Variants in SEC16B observed in about 807,000 individuals in gnomAD.
SEC16B encodes SEC16 homolog B, endoplasmic reticulum export factor, also known as protein transport protein Sec16B.
In SEC16B, 115 loss-of-function variants were observed where a neutral mutation model predicts 141.8. The ratio of observed to expected loss-of-function variants is 0.81; its 90% CI spans 0.70 to 0.95. The LOEUF (loss-of-function observed/expected upper bound fraction) is 0.95. SEC16B is among the 40% of genes least tolerant of loss of function. SEC16B has a pLI of 0.00. For missense variants in SEC16B, 1,291 were observed against 1,312.3 expected (o/e 0.98, Z 0.25); for synonymous variants, 493 against 492.5 (o/e 1.00, Z -0.01).
intron 11 of SEC16B, among the ~76,000 whole-genome samples, chr1:177,953,003 A>AT (rs59988344): frequency 0.15 from 18,564 of 127,904 alleles, 1,525 homozygotes; most frequent in Middle Eastern, 0.17. Context: ...TGGAAGTGTC[A>AT]TTTTTTTTTT....
chr1:177,958,713 T>G lies in SEC16B; in HGVS notation c.1134+127A>C, dbSNP rs72706613. ...TCGCATTGACATTTGAGCAATTTTT[T>G]CCCTTGGGGCAATTTGTGGCTTCTT... is the stretch of plus-strand genomic sequence containing the variant. On this transcript the variant is annotated intron_variant, in intron 9 of 25. Transcript: ENST00000308284. 2.6e-3 allele frequency: 3,246 copies of G among 1,225,550 alleles called. 14 individuals carry two copies. The highest frequency in any genetic ancestry group is 4.9e-3 in the Middle Eastern group (17 of 3,492). 75.9% of individuals were successfully genotyped at this position (1,225,550 alleles called of 1,614,324 possible).
rs755618521 is a variant in SEC16B, at chr1:177,929,786, G to A, written c.*72C>T. ...GAGGGTCCCAATATGGTAGAGAGGG[G>A]CTGGGAGATTGAGAAAAAGAGAGCA... On this transcript the variant is annotated 3_prime_UTR_variant, in exon 26 of 26. Coordinates refer to ENST00000308284, the MANE Select transcript of SEC16B (RefSeq NM_033127.4). 1 of 1,527,000 alleles carries A rather than the reference G, an allele frequency of 6.5e-7. No individual in the cohort carries two copies. The highest frequency in any genetic ancestry group is 1.2e-5 in the South Asian group (1 of 85,636). 94.6% of individuals were successfully genotyped at this position (1,527,000 alleles called of 1,614,324 possible).
upstream of SEC16B, among the ~76,000 whole-genome samples, chr1:177,973,469 G>C (rs1451335925): frequency 6.6e-6 from 1 of 152,018 alleles, no homozygotes; most frequent in Non-Finnish European, 1.5e-5. Flanking sequence ...ATTTTAAAAG[G>C]CAAAATTAAC....
chr1:177,933,549 C>T lies in SEC16B; in HGVS notation c.2659G>A (p.Asp887Asn). Reference sequence around the variant, plus strand: ...GCAGTATTTCGGGGAGAGTTTTTATCAGCCTCATCAGAGGACTCCTTCTCA... The same window carrying T: ...GCAGTATTTCGGGGAGAGTTTTTATTAGCCTCATCAGAGGACTCCTTCTCA... ...EDEKESSDEA[D>N]KNSPRNTAQR... Residue 887 changes from aspartate (D) to asparagine (N), a missense_variant, in exon 21 of 26, where the codon GAT becomes AAT. Physicochemically the swap from Asp to Asn is conservative, Grantham distance 23 (BLOSUM62 1). Around this residue, in one of 3 missense-constraint regions of SEC16B, gnomAD observed 605 missense variants for 614.1 expected, o/e 0.99. Coordinates refer to ENST00000308284, the MANE Select transcript of SEC16B (RefSeq NM_033127.4). 6.2e-7 allele frequency: 1 copy of T among 1,613,982 alleles called. No individual in the cohort carries two copies. Among genetic ancestry groups the T allele is most frequent in the Non-Finnish European group, 8.5e-7 (1 of 1,179,882 alleles).
intron 5 of SEC16B, among the ~76,000 whole-genome samples, chr1:177,962,387 T>A (rs1418284615): frequency 6.6e-6 from 1 of 151,680 alleles, no homozygotes; most frequent in Non-Finnish European, 1.5e-5. Flanking sequence ...ATTGACTGTT[T>A]AATGAGCACC....
intron 25 of SEC16B, 74 bp downstream of exon 25, chr1:177,930,471 G>A: frequency 1.1e-6 from 1 of 936,384 alleles, no homozygotes; most frequent in Admixed American, 2.3e-5. Context: ...TGGTAAACTG[G>A]GATGATAAAC....
chr1:177,933,701 T>G, intron 20 of SEC16B, 65 bp from the exon 21 acceptor site: 1 of 1,538,778 alleles, frequency 6.5e-7, no homozygotes, highest in South Asian at 1.2e-5. Flanking sequence ...CATTTGCACA[T>G]ACTCCCTCAC....
chr1:177,978,535 T>C (rs567609558), intron 1 of SEC16B, among the ~76,000 whole-genome samples: 2 of 151,838 alleles, frequency 1.3e-5, no homozygotes, highest in South Asian at 2.1e-4. Flanking sequence ...TAAGACCCTG[T>C]CTCTACAAAA....
intron 12 of SEC16B, 88 bp downstream of exon 12, chr1:177,951,826 G>A (rs1652209906): frequency 1.9e-6 from 2 of 1,040,936 alleles, no homozygotes; most frequent in Admixed American, 4.1e-5. Context: ...TTTTGCTCCT[G>A]AAAGCCATCA....
chr1:177,981,515 A>G (rs1357695256), intron 1 of SEC16B, among the ~76,000 whole-genome samples: 2 of 152,224 alleles, frequency 1.3e-5, no homozygotes, highest in East Asian at 1.9e-4. Flanking sequence ...TATTCATTCA[A>G]TAATTAATGA....
chr1:177,968,261 A>G (rs1653713373), intron 1 of SEC16B, among the ~76,000 whole-genome samples: 1 of 152,228 alleles, frequency 6.6e-6, no homozygotes, highest in Non-Finnish European at 1.5e-5. Context: ...TAAAAAGTAC[A>G]TGTGGAACAA....
intron 12 of SEC16B, among the ~76,000 whole-genome samples, chr1:177,949,014 T>C (rs893194150): frequency 2.0e-5 from 3 of 151,838 alleles, no homozygotes; most frequent in African/African-American, 4.8e-5. Context: ...ATTTGTTATA[T>C]AGATAGGTAG....
At chr1:177,953,818 C>T (rs1652387784) in intron 11 of SEC16B, among the ~76,000 whole-genome samples, 1 of 152,102 alleles carries the variant, frequency 6.6e-6, no homozygotes, top group Non-Finnish European at 1.5e-5. Flanking sequence ...GCTAAAACTC[C>T]TTTTCCTACC....
intron 2 of SEC16B, among the ~76,000 whole-genome samples, chr1:177,966,763 C>T (rs1363859723): frequency 5.3e-5 from 8 of 151,942 alleles, no homozygotes; most frequent in Admixed American, 3.3e-4. Flanking sequence ...TTAGTAGAGG[C>T]GGGGTTTCAC....
intron 10 of SEC16B, among the ~76,000 whole-genome samples, chr1:177,957,817 G>A (rs1166303804): frequency 1.7e-5 from 1 of 59,470 alleles, no homozygotes; most frequent in Non-Finnish European, 3.1e-5. Flanking sequence ...CTCCCCTACT[G>A]CCCTTCCCAG....
intron 12 of SEC16B, chr1:177,948,439 T>A (rs1216200237): frequency 7.7e-7 from 1 of 1,304,236 alleles, no homozygotes; most frequent in Non-Finnish European, 1.0e-6. Context: ...ACACATCCTC[T>A]TAATCTTCAC....
intron 10 of SEC16B, among the ~76,000 whole-genome samples, chr1:177,955,098 GA>G (rs1467478934): frequency 6.6e-6 from 1 of 151,886 alleles, no homozygotes; most frequent in African/African-American, 2.4e-5. Flanking sequence ...AGCCTCAATA[GA>G]AAAATGCAGA....
At chr1:177,960,706 C>T in intron 7 of SEC16B, 85 bp downstream of exon 7, 1 of 1,426,406 alleles carries the variant, frequency 7.0e-7, no homozygotes, top group Non-Finnish European at 9.4e-7. Context: ...TGCCCCGGCT[C>T]AGGCACAGGA....
At chr1:177,976,631 A>G (rs1482584333) in intron 1 of SEC16B, among the ~76,000 whole-genome samples, 1 of 152,208 alleles carries the variant, frequency 6.6e-6, no homozygotes, top group Admixed American at 6.5e-5. Context: ...CCTACCTCAC[A>G]GAGTTATTAT....
Sources: allele counts gnomAD v4.1 joint callset (sites outside exome capture counted in the v4.1 genomes callset), GRCh38; gene constraint gnomAD v4.1.1; regional missense constraint gnomAD v4.1.1; transcripts MANE v1.5; gene names NCBI Gene and HGNC (gene_info 2026-07-23, HGNC 2026-07-21).